AGFG2: variants seen among roughly 807,000 people sequenced by gnomAD.
AGFG2 encodes arf-GAP domain and FG repeat-containing protein 2.
A neutral mutation model predicts 48.0 loss-of-function variants in AGFG2; 31 were observed. The observed-to-expected ratio is 0.65, with a 90% CI of 0.49 to 0.87. The LOEUF (loss-of-function observed/expected upper bound fraction) is 0.87, where lower values mean the gene tolerates loss of function less well. Among genes scored for constraint, AGFG2 ranks in the 40% least tolerant of loss-of-function variants. The pLI, the probability that AGFG2 is intolerant of heterozygous loss-of-function variation, is 0.00. For missense variants in AGFG2, 599 were observed against 632.6 expected (o/e 0.95, Z 0.57); for synonymous variants, 229 against 260.8 (o/e 0.88, Z 1.18).
In AGFG2 at chr7:100,566,826, C is replaced by T. The variant is rs568779742; in HGVS notation, c.*1835C>T. 47 of 152,402 alleles carry T rather than the reference C, an allele frequency of 3.1e-4. No individual in the cohort carries two copies. Among genetic ancestry groups the T allele is most frequent in the African/African-American group, 1.1e-3 (46 of 41,530 alleles). 9.4% of individuals were successfully genotyped at this position (152,402 alleles called of 1,614,324 possible). On this transcript the variant is annotated 3_prime_UTR_variant, in exon 12 of 12. Coordinates refer to ENST00000300176, the MANE Select transcript of AGFG2 (RefSeq NM_006076.5). ...GCCACCCTAGATTATCTCTGTGTCCCTCTACCTAATTCTCTTACCAGTTCT... is the reference window on the plus strand; with the variant it reads ...GCCACCCTAGATTATCTCTGTGTCCTTCTACCTAATTCTCTTACCAGTTCT...
intron 3 of AGFG2, among the ~76,000 whole-genome samples, chr7:100,551,535 C>G (rs1447168434): frequency 6.6e-6 from 1 of 151,598 alleles, no homozygotes; most frequent in African/African-American, 2.4e-5. Flanking sequence ...ACAGTCAGCC[C>G]TCTGTATCTG....
At position 100,555,716 on chromosome 7, in the gene AGFG2, G is replaced by A. The variant is rs1204369622; in HGVS notation, c.858G>A (p.Gln286=). The A allele has an allele frequency of 1.1e-5, 18 of 1,614,082 alleles. No individual in the cohort carries two copies. The highest frequency in any genetic ancestry group is 1.5e-5 in the Non-Finnish European group (18 of 1,179,944). Residue 286 remains glutamine (Q), a synonymous_variant, in exon 6 of 12, where the codon CAG becomes CAA. Coordinates refer to ENST00000300176, the MANE Select transcript of AGFG2 (RefSeq NM_006076.5). ...SLPPAGQASF[Q]AQPTPAGSSQ... is the part of the protein sequence containing the mutation. Reference sequence around the variant, plus strand: ...CTCCAGCTGGTCAAGCCTCGTTCCAGGCCCAGCCAACTCCTGCAGGTAAAC... The same window carrying A: ...CTCCAGCTGGTCAAGCCTCGTTCCAAGCCCAGCCAACTCCTGCAGGTAAAC...
rs1240104735 is a variant in AGFG2, at chr7:100,567,359, C to T, written c.*2368C>T. 6.5e-6 allele frequency: 1 copy of T among 153,146 alleles called. No homozygotes were observed. The highest frequency in any genetic ancestry group is 1.5e-5 in the Non-Finnish European group (1 of 68,478). 9.5% of individuals were successfully genotyped at this position (153,146 alleles called of 1,614,324 possible). A position where few individuals can be genotyped will look rare whatever the true frequency, so the allele number is the denominator to read the frequency against. ...CCTGGTAGCTGCAGATTCAAACCCA[C>T]CACACACACCACGGGGCTAGAGTGA... On this transcript the variant is annotated 3_prime_UTR_variant, in exon 12 of 12. Coordinates refer to ENST00000300176, the MANE Select transcript of AGFG2 (RefSeq NM_006076.5).
intron 1 of AGFG2, among the ~76,000 whole-genome samples, chr7:100,540,781 A>G (rs988935642): frequency 1.3e-5 from 2 of 152,082 alleles, no homozygotes; most frequent in Admixed American, 6.6e-5. Context: ...TGGGAGGCCG[A>G]GGCAGGCAGA....
At chr7:100,557,769 A>G (rs1800785830) in intron 6 of AGFG2, among the ~76,000 whole-genome samples, 1 of 152,200 alleles carries the variant, frequency 6.6e-6, no homozygotes, top group South Asian at 2.1e-4. Context: ...AGATGACACA[A>G]ACAAAGCTTA....
intron 1 of AGFG2, among the ~76,000 whole-genome samples, chr7:100,546,159 C>G (rs542581716): frequency 3.7e-4 from 55 of 148,956 alleles, no homozygotes; most frequent in Non-Finnish European, 7.8e-4. Flanking sequence ...TCACGTCTGC[C>G]GCCCCCCCCG....
rs577042538 is a variant in AGFG2, at chr7:100,565,009, G to A, written c.*18G>A. ...TCTTGTAGCACTGTGTTTTTGGGGG[G>A]CCTCTTCCCTGCCTTCTGGGGCCCC... is the stretch of plus-strand genomic sequence containing the variant. On this transcript the variant is annotated 3_prime_UTR_variant, in exon 12 of 12. Coordinates refer to ENST00000300176, the MANE Select transcript of AGFG2 (RefSeq NM_006076.5). 1 of 1,613,722 alleles carries A rather than the reference G, an allele frequency of 6.2e-7. No homozygotes were observed. Among genetic ancestry groups the A allele is most frequent in the Non-Finnish European group, 8.5e-7 (1 of 1,179,630 alleles).
chr7:100,557,026 C>T (rs376879338), intron 6 of AGFG2, among the ~76,000 whole-genome samples: 16 of 151,922 alleles, frequency 1.1e-4, no homozygotes, highest in South Asian at 8.3e-4. Context: ...GGTGAAACAC[C>T]GTCTCTACTC....
intron 6 of AGFG2, among the ~76,000 whole-genome samples, chr7:100,557,266 G>A (rs1024088726): frequency 2.0e-5 from 3 of 151,374 alleles, no homozygotes; most frequent in African/African-American, 4.9e-5. Context: ...ATAACTGACC[G>A]CATACCCATG....
chr7:100,559,176 A>C (rs1800816308), intron 6 of AGFG2, among the ~76,000 whole-genome samples: 1 of 152,126 alleles, frequency 6.6e-6, no homozygotes. Context: ...GAGCCAAGGA[A>C]CATTTCCGAG....
At chr7:100,556,001 G>A in intron 6 of AGFG2, 2 of 346,150 alleles carry the variant, frequency 5.8e-6, no homozygotes, top group Non-Finnish European at 5.4e-6. Context: ...TTTTCACTAG[G>A]AAGTATGGAA....
Position 100,563,870 on chromosome 7 carries a change from T to C in AGFG2, c.1208T>C (p.Phe403Ser). 1 of 1,611,168 alleles carries C rather than the reference T, an allele frequency of 6.2e-7. No homozygotes were observed. The highest frequency in any genetic ancestry group is 1.1e-5 in the South Asian group (1 of 91,050). Residue 403 changes from phenylalanine (F) to serine (S), a missense_variant, in exon 10 of 12, where the codon TTC (phenylalanine) becomes TCC (serine). Coordinates refer to ENST00000300176, the MANE Select transcript of AGFG2 (RefSeq NM_006076.5). ...GFGMSSAGPG[F>S]PQAVPPTGAF... ...GGGATGAGCAGTGCTGGGCCTGGCT[T>C]CCCCCAGGCAGTGCCACCCACTGGG...
chr7:100,562,855 C>A lies in AGFG2; in HGVS notation c.1088-8C>A, dbSNP rs1450054398. On this transcript the variant is annotated splice_polypyrimidine_tract_variant and splice_region_variant and intron_variant, in intron 8 of 11. Transcript: ENST00000300176. The surrounding 1 kb of genome is among the most constrained non-coding windows in gnomAD (Gnocchi z 5.4). ...TCTTTCCTGCCGCTCCCCATTCCAC[C>A]TGGGCAGCCTTCACTAACCCTTTCA... 4 of 1,613,768 alleles carry A rather than the reference C, an allele frequency of 2.5e-6. No individual in the cohort carries two copies. The highest frequency in any genetic ancestry group is 1.3e-5 in the African/African-American group (1 of 74,918).
At chr7:100,553,966 A>G (rs960348876) in intron 4 of AGFG2, 127 bp from the exon 5 acceptor site, 1 of 1,138,826 alleles carries the variant, frequency 8.8e-7, no homozygotes. Context: ...GGAATCTTCT[A>G]GGTTGAGGGC....
intron 6 of AGFG2, among the ~76,000 whole-genome samples, chr7:100,557,511 G>A (rs1800782533): frequency 6.6e-6 from 1 of 152,262 alleles, no homozygotes; most frequent in East Asian, 1.9e-4. Flanking sequence ...GCCCAGGCTG[G>A]AGTGCAATGG....
At position 100,548,927 on chromosome 7, in the gene AGFG2, C is replaced by G; in HGVS notation, c.315+12C>G. 1 of 1,608,324 alleles carries G rather than the reference C, an allele frequency of 6.2e-7. No individual in the cohort carries two copies. The highest frequency in any genetic ancestry group is 8.5e-7 in the Non-Finnish European group (1 of 1,175,286). ...CCCGTGGAAATGAGGTGAGCTGCCA[C>G]CGATGGAGTGGTGAGAAGGTCACCT... On this transcript the variant is annotated intron_variant, in intron 2 of 11. Transcript: ENST00000300176.
chr7:100,539,428 G>A lies in AGFG2; in HGVS notation c.82G>A (p.Val28Met). The change falls in exon 1 of 12, where the codon GTG becomes ATG. Residue 28 changes from valine (V) to methionine (M), a missense_variant. Val to Met is a conservative substitution (Grantham distance 21). Transcript: ENST00000300176. ...GKAEAEAASEVWCRRVRELGG... is the reference protein window; with the variant it reads ...GKAEAEAASEMWCRRVRELGG... ...GGCGGAGGCGGAGGCGGCCTCGGAG[G>A]TGTGGTGCCGTCGGGTGCGGGAGCT... 7.5e-7 allele frequency: 1 copy of A among 1,327,372 alleles called. No individual in the cohort carries two copies. 82.2% of individuals were successfully genotyped at this position (1,327,372 alleles called of 1,614,324 possible).
rs1217350305 is a variant in AGFG2 at position 100,566,565 on chromosome 7, GA to G, written c.*1575del. On this transcript the variant is annotated 3_prime_UTR_variant, in exon 12 of 12. Coordinates refer to ENST00000300176, the MANE Select transcript of AGFG2 (RefSeq NM_006076.5). ...TGAGTCTTCCACAGAGAGCAGCAAA[GA>G]GATATGGGAGTTGGGTGATCAGTGT... 3 of 152,250 alleles carry G rather than the reference GA, an allele frequency of 2.0e-5. No homozygotes were observed. Among genetic ancestry groups the G allele is most frequent in the Non-Finnish European group, 2.9e-5 (2 of 68,054 alleles). The allele number at this position is 152,250 out of a possible 1,614,324, so 9.4% of individuals were successfully genotyped here.
At chr7:100,560,417 G>A (rs1232380198) in intron 6 of AGFG2, among the ~76,000 whole-genome samples, 2 of 152,208 alleles carry the variant, frequency 1.3e-5, no homozygotes, top group Admixed American at 1.3e-4. Context: ...GACCTCAAGC[G>A]ATCTGCTTGC....
Sources: allele counts gnomAD v4.1 joint callset (sites outside exome capture counted in the v4.1 genomes callset), GRCh38; gene constraint gnomAD v4.1.1; non-coding constraint Gnocchi (gnomAD v3.1); transcripts MANE v1.5; gene names NCBI Gene and HGNC (gene_info 2026-07-23, HGNC 2026-07-21).